The following CAMK1D variants were observed in gnomAD, a reference collection of about 807,000 sequenced individuals.
CAMK1D encodes the protein calcium/calmodulin dependent protein kinase ID.
A neutral mutation model predicts 47.7 loss-of-function variants in CAMK1D; 9 were observed. The ratio of observed to expected loss-of-function variants is 0.19; its 90% confidence interval spans 0.11 to 0.33. The LOEUF is 0.33. CAMK1D is among the 10% of genes least tolerant of loss of function. The probability of loss-of-function intolerance (pLI) is 1.00; values close to 1 mark genes in which losing one functional copy is unlikely to be tolerated. For missense variants in CAMK1D, 291 were observed against 488.7 expected, an observed-to-expected ratio of 0.60 and a Z score of 3.81; for synonymous variants, 184 against 184.9, an observed-to-expected ratio of 0.99 and a Z score of 0.04.
intron 6 of CAMK1D, among the ~76,000 whole-genome samples, chr10:12,792,046 C>G (rs11257996): frequency 0.18 from 27,694 of 152,118 alleles, 3,984 homozygotes; most frequent in East Asian, 0.49. Flanking sequence ...TTGGGGTTTT[C>G]AATTTGCATT....
intron 3 of CAMK1D, among the ~76,000 whole-genome samples, chr10:12,699,548 T>A (rs1833429254): frequency 6.6e-6 from 1 of 152,144 alleles, no homozygotes; most frequent in Admixed American, 6.5e-5. Context: ...GCTTTAATTT[T>A]TCAGTCAGAA....
At chr10:12,547,639 A>AC (rs11393244) in intron 1 of CAMK1D, among the ~76,000 whole-genome samples, 67,855 of 109,030 alleles carry the variant, frequency 0.62, 22,566 homozygotes, top group Non-Finnish European at 0.72. Flanking sequence ...TCACGAGGAC[A>AC]CCCCCCCCCC....
intron 1 of CAMK1D, among the ~76,000 whole-genome samples, chr10:12,531,207 T>G (rs957788978): frequency 5.9e-5 from 9 of 152,220 alleles, no homozygotes; most frequent in Non-Finnish European, 1.3e-4. Context: ...GTATTCTTGC[T>G]TTGAGTTTTC....
In CAMK1D at chr10:12,349,732, C is replaced by A; in HGVS notation, c.-87C>A. 1 of 337,518 alleles carries A rather than the reference C, an allele frequency of 3.0e-6. No individual in the cohort carries two copies. Among genetic ancestry groups the A allele is most frequent in the Non-Finnish European group, 4.5e-6 (1 of 223,520 alleles). The allele number at this position is 337,518 out of a possible 1,614,324, so 20.9% of individuals were successfully genotyped here. Reference sequence around the variant, plus strand: ...CGCCGCAGCCCGAGCCGCCCGGCATCCCCGCCGCCTCTGCGCCCGCGCCGC... The same window carrying A: ...CGCCGCAGCCCGAGCCGCCCGGCATACCCGCCGCCTCTGCGCCCGCGCCGC... On this transcript the variant is annotated 5_prime_UTR_variant, in exon 1 of 11. Transcript: ENST00000619168.
At chr10:12,377,295 A>G (rs1281535799) in intron 1 of CAMK1D, among the ~76,000 whole-genome samples, 1 of 152,206 alleles carries the variant, frequency 6.6e-6, no homozygotes, top group Non-Finnish European at 1.5e-5. Context: ...TAGCTTAGGT[A>G]TCCATTGGCA....
At chr10:12,489,954 G>A (rs1445227255) in intron 1 of CAMK1D, among the ~76,000 whole-genome samples, 1 of 152,198 alleles carries the variant, frequency 6.6e-6, no homozygotes, top group Non-Finnish European at 1.5e-5. Flanking sequence ...TGCTGGATGT[G>A]ATGTTCCCTG....
intron 3 of CAMK1D, among the ~76,000 whole-genome samples, chr10:12,716,697 T>C (rs978763516): frequency 3.3e-5 from 5 of 151,986 alleles, no homozygotes; most frequent in African/African-American, 1.2e-4. Context: ...AAATTAACAG[T>C]ATGGCATCAT....
At chr10:12,621,633 A>C (rs1474472907) in intron 2 of CAMK1D, among the ~76,000 whole-genome samples, 1 of 152,004 alleles carries the variant, frequency 6.6e-6, no homozygotes, top group African/African-American at 2.4e-5. Flanking sequence ...ATTGGTATAA[A>C]TGTTTGCTTA....
chr10:12,663,978 A>G (rs2132544487), intron 2 of CAMK1D, among the ~76,000 whole-genome samples: 1 of 152,280 alleles, frequency 6.6e-6, no homozygotes, highest in Non-Finnish European at 1.5e-5. Context: ...ACTTTTCTTA[A>G]GAGACATTAA....
chr10:12,759,824 G>A (rs182232774), intron 3 of CAMK1D, among the ~76,000 whole-genome samples: 48 of 152,246 alleles, frequency 3.2e-4, no homozygotes, highest in African/African-American at 1.1e-3. Flanking sequence ...CAGTTATTGC[G>A]CATAAATTGT....
chr10:12,733,554 T>C (rs75270159), intron 3 of CAMK1D, among the ~76,000 whole-genome samples: 2,752 of 152,268 alleles, frequency 0.018, 87 homozygotes, highest in African/African-American at 0.061. Context: ...TCATCAATCC[T>C]CAGTGTTATT....
intron 3 of CAMK1D, among the ~76,000 whole-genome samples, chr10:12,717,453 C>A (rs1834189971): frequency 1.3e-5 from 2 of 152,084 alleles, no homozygotes; most frequent in African/African-American, 4.8e-5. Context: ...AGCAGAACTG[C>A]CTCTTACTCA....
At chr10:12,724,113 C>G (rs189596315) in intron 3 of CAMK1D, among the ~76,000 whole-genome samples, 1 of 152,116 alleles carries the variant, frequency 6.6e-6, no homozygotes, top group Non-Finnish European at 1.5e-5. Flanking sequence ...CTCGGCCTCC[C>G]GAGGAGTTGG....
chr10:12,663,542 G>A (rs1418909325), intron 2 of CAMK1D, among the ~76,000 whole-genome samples: 1 of 152,126 alleles, frequency 6.6e-6, no homozygotes, highest in Non-Finnish European at 1.5e-5. Flanking sequence ...GTAAGTGTGA[G>A]ACAGGCTGTC....
In CAMK1D at chr10:12,769,866, C is replaced by T. The variant is rs536375177; in HGVS notation, c.565+67C>T. The T allele has an allele frequency of 5.1e-5, 80 of 1,558,272 alleles. No individual in the cohort carries two copies. In the South Asian group the frequency reaches 6.8e-4, roughly 13 times the overall value. Reference sequence around the variant, plus strand: ...GATGTCCTCATGTGTGGTGTCACCACGTGTCAACTCATCAGTTGTGTGAAA... The same window carrying T: ...GATGTCCTCATGTGTGGTGTCACCATGTGTCAACTCATCAGTTGTGTGAAA... On this transcript the variant is annotated intron_variant, in intron 5 of 10. Transcript: ENST00000619168.
chr10:12,731,908 G>A (rs767886494), intron 3 of CAMK1D, among the ~76,000 whole-genome samples: 6 of 152,090 alleles, frequency 3.9e-5, no homozygotes, highest in Non-Finnish European at 8.8e-5. Context: ...AACCCGAATG[G>A]ACGATGGGGT....
chr10:12,391,454 G>C (rs528952877), intron 1 of CAMK1D, among the ~76,000 whole-genome samples: 2 of 152,204 alleles, frequency 1.3e-5, no homozygotes, highest in East Asian at 3.9e-4. Flanking sequence ...ATCACCGGTT[G>C]CTTTTCACAT....
intron 3 of CAMK1D, among the ~76,000 whole-genome samples, chr10:12,678,164 C>T (rs530542273): frequency 1.3e-5 from 2 of 152,198 alleles, no homozygotes; most frequent in East Asian, 3.9e-4. Context: ...CCTCTTAGCA[C>T]TGCTTTTGTA....
intron 1 of CAMK1D, among the ~76,000 whole-genome samples, chr10:12,538,713 T>G (rs1416910158): frequency 1.3e-5 from 2 of 151,978 alleles, no homozygotes; most frequent in Non-Finnish European, 2.9e-5. Context: ...TTATTCTCCA[T>G]CCAGCCAGTA....
Sources: allele counts gnomAD v4.1 joint callset (sites outside exome capture counted in the v4.1 genomes callset), GRCh38; gene constraint gnomAD v4.1.1; transcripts MANE v1.5; gene names NCBI Gene and HGNC (gene_info 2026-07-23, HGNC 2026-07-21).